POLQ: variants seen among roughly 807,000 people sequenced by gnomAD.
POLQ encodes epididymis secretory sperm binding protein.
Under a neutral mutation model 259.2 loss-of-function variants are expected in POLQ, and 233 were observed. The observed-to-expected ratio is 0.90, with a 90% confidence interval of 0.81 to 1.00. The LOEUF (loss-of-function observed/expected upper bound fraction) is 1.00. Ranked by LOEUF, POLQ falls within the 50% of genes least tolerant of loss-of-function variation. The pLI, the probability that POLQ is intolerant of heterozygous loss-of-function variation, is 0.00. For missense variants in POLQ, 2,871 were observed against 3,051.6 expected (o/e 0.94, Z 1.39); for synonymous variants, 1,025 against 1,048.8 (o/e 0.98, Z 0.44).
chr3:121,527,601 C>A (rs1213666165), intron 7 of POLQ, among the ~76,000 whole-genome samples: 1 of 152,110 alleles, frequency 6.6e-6, no homozygotes, highest in Non-Finnish European at 1.5e-5. Context: ...AATAGCTTCA[C>A]AAATTTCCTT....
intron 25 of POLQ, among the ~76,000 whole-genome samples, chr3:121,456,001 A>G (rs865905660): frequency 9.9e-5 from 15 of 152,198 alleles, no homozygotes; most frequent in East Asian, 1.9e-4. Flanking sequence ...CTGGCAAACC[A>G]AATCCAGCAG....
intron 7 of POLQ, among the ~76,000 whole-genome samples, chr3:121,524,379 C>A (rs2048358418): frequency 6.6e-6 from 1 of 152,010 alleles, no homozygotes. Flanking sequence ...AATAAAATAT[C>A]CTAATATTCT....
chr3:121,446,611 C>T (rs895949516), intron 26 of POLQ, among the ~76,000 whole-genome samples: 2 of 152,064 alleles, frequency 1.3e-5, no homozygotes, highest in African/African-American at 4.8e-5. Flanking sequence ...TCCAGGTGCT[C>T]CAATACTGGG....
chr3:121,479,362 A>AATGTG (rs140158750), intron 19 of POLQ, among the ~76,000 whole-genome samples: 29 of 142,654 alleles, frequency 2.0e-4, no homozygotes, highest in African/African-American at 7.3e-4. Flanking sequence ...AAAAAAAAAA[A>AATGTG]TGTGTGTGTG....
At chr3:121,461,060 G>C (rs1456640285) in intron 24 of POLQ, among the ~76,000 whole-genome samples, 1 of 152,120 alleles carries the variant, frequency 6.6e-6, no homozygotes, top group African/African-American at 2.4e-5. Flanking sequence ...AGCTTCATAA[G>C]AGAAATAAAA....
rs773243833 is a variant in POLQ at position 121,522,200 on chromosome 3, A to G, written c.1109-51T>C. On this transcript the variant is annotated intron_variant, in intron 7 of 29. Coordinates refer to ENST00000264233, the MANE Select transcript of POLQ (RefSeq NM_199420.4). ...ATTTGCTTCTAACTCAGCTTCTTTA[A>G]GTGTATCTGTCTAAATCATAATAGA... The G allele has an allele frequency of 2.2e-6, 3 of 1,394,814 alleles. No homozygotes were observed. The African/African-American group carries it at 4.4e-5, about 20-fold the overall frequency. The allele number at this position is 1,394,814 out of a possible 1,614,324, so 86.4% of individuals were successfully genotyped here.
At chr3:121,476,152 A>G (rs957331762) in intron 20 of POLQ, among the ~76,000 whole-genome samples, 10 of 152,150 alleles carry the variant, frequency 6.6e-5, no homozygotes, top group Admixed American at 4.6e-4. Context: ...TTCTATAGAA[A>G]GATGTTAGGG....
In POLQ at chr3:121,526,871, C is replaced by CTATG. The variant is rs144360614; in HGVS notation, c.1108+2773_1108+2774insCATA. 1.0e-3 allele frequency among the ~76,000 whole-genome samples: 145 copies of CTATG among 145,342 alleles called. 1 individual carries two copies. Among genetic ancestry groups the CTATG allele is most frequent in the African/African-American group, 3.4e-3 (128 of 37,792 alleles). On this transcript the variant is annotated intron_variant, in intron 7 of 29. Transcript: ENST00000264233. ...CTTCTGTGTGTGTGCGTGTGTGTCT[C>CTATG]TGTATGTGTGTGTGTGTGTGCGCGC...
chr3:121,498,768 G>T, intron 12 of POLQ, 98 bp from the exon 13 acceptor site: 1 of 819,768 alleles, frequency 1.2e-6, no homozygotes, highest in Non-Finnish European at 1.9e-6. Flanking sequence ...AGGCATGATG[G>T]TATGTGCCTG....
In POLQ at chr3:121,490,414, CAAG is replaced by C. The variant is rs1313215387; in HGVS notation, c.2523-9_2523-7del. The C allele has an allele frequency of 1.2e-6, 2 of 1,609,636 alleles. No homozygotes were observed. The highest frequency in any genetic ancestry group is 1.7e-6 in the Non-Finnish European group (2 of 1,176,636). ...CATCCACTGCCTTCCGGGCACTACACAAGGAGATGGGAAAAGACAGAAATGAAT... is the reference window on the plus strand; with the variant it reads ...CATCCACTGCCTTCCGGGCACTACACGAGATGGGAAAAGACAGAAATGAAT... On this transcript the variant is annotated splice_region_variant and splice_polypyrimidine_tract_variant and intron_variant, in intron 15 of 29. Transcript: ENST00000264233.
At chr3:121,526,175 T>C (rs915061375) in intron 7 of POLQ, among the ~76,000 whole-genome samples, 6 of 152,326 alleles carry the variant, frequency 3.9e-5, no homozygotes, top group African/African-American at 1.4e-4. Flanking sequence ...GGGTTCTGGA[T>C]GGCCCAAGGC....
At position 121,483,544 on chromosome 3, in the gene POLQ, T is replaced by C. The variant is rs781664899; in HGVS notation, c.5812A>G (p.Ser1938Gly). ...ASLVPPSLDP[S>G]LTLKDRMWYL... ...CACATCCTGTCTTTCAAAGTCAGGC[T>C]TGGATCTAAAGAAGGTGGAACCAAA... The change falls in exon 18 of 30, where the codon AGC becomes GGC. Residue 1938 changes from serine (S) to glycine (G), a missense_variant. This residue lies in a region of POLQ where 2,080 missense variants were observed against 2,126.0 expected (regional missense o/e 0.98). Transcript: ENST00000264233. 7.0e-6 allele frequency: 11 copies of C among 1,575,300 alleles called. No homozygotes were observed. The South Asian group carries it at 1.1e-4, about 16-fold the overall frequency.
intron 4 of POLQ, among the ~76,000 whole-genome samples, chr3:121,538,623 C>A (rs565560867): frequency 2.1e-4 from 32 of 151,188 alleles, no homozygotes; most frequent in African/African-American, 7.5e-4. Flanking sequence ...CTGCCGTGTG[C>A]CAAGCACTGT....
chr3:121,516,865 T>C (rs569170276), intron 9 of POLQ, among the ~76,000 whole-genome samples: 1 of 152,354 alleles, frequency 6.6e-6, no homozygotes, highest in Non-Finnish European at 1.5e-5. Context: ...GCAAGTCATA[T>C]GACATCCTGA....
chr3:121,542,380 ACT>A (rs1170808688), intron 2 of POLQ, among the ~76,000 whole-genome samples: 1 of 152,024 alleles, frequency 6.6e-6, no homozygotes, highest in African/African-American at 2.4e-5. Context: ...ATACAGTGAG[ACT>A]CTGTTCCAAA....
chr3:121,459,925 C>T, intron 25 of POLQ, 125 bp downstream of exon 25: 1 of 720,748 alleles, frequency 1.4e-6, no homozygotes, highest in East Asian at 2.5e-5. Context: ...CTCAGATGAA[C>T]TGTGCTTTGA....
intron 24 of POLQ, among the ~76,000 whole-genome samples, chr3:121,462,708 G>A (rs1278809386): frequency 6.6e-6 from 1 of 152,170 alleles, no homozygotes; most frequent in East Asian, 1.9e-4. Context: ...TGATCAAGCT[G>A]TAACAAACAA....
intron 2 of POLQ, among the ~76,000 whole-genome samples, chr3:121,541,743 G>T (rs1475738849): frequency 6.6e-6 from 1 of 152,130 alleles, no homozygotes; most frequent in Non-Finnish European, 1.5e-5. Flanking sequence ...TATACCTAAA[G>T]ATCCTTTCCT....
intron 12 of POLQ, among the ~76,000 whole-genome samples, chr3:121,501,189 G>A (rs2108803813): frequency 6.6e-6 from 1 of 152,050 alleles, no homozygotes; most frequent in South Asian, 2.1e-4. Flanking sequence ...CAAACTTCTA[G>A]GCTCAAGCCA....
Sources: allele counts gnomAD v4.1 joint callset (sites outside exome capture counted in the v4.1 genomes callset), GRCh38; gene constraint gnomAD v4.1.1; regional missense constraint gnomAD v4.1.1; transcripts MANE v1.5; gene names NCBI Gene and HGNC (gene_info 2026-07-23, HGNC 2026-07-21).